Variants in RMC1 observed in about 807,000 individuals in gnomAD.
The protein encoded by RMC1 is regulator of MON1-CCZ1 complex.
In RMC1, 44 loss-of-function variants were observed where a neutral mutation model predicts 95.5. The ratio of observed to expected loss-of-function variants is 0.46; its 90% CI spans 0.36 to 0.59. The LOEUF is 0.59. Ranked by LOEUF, RMC1 falls within the 20% of genes least tolerant of loss-of-function variation. RMC1 has a pLI of 0.00. For missense variants in RMC1, 705 were observed against 819.6 expected, an observed-to-expected ratio of 0.86 and a Z score of 1.71; for synonymous variants, 320 against 303.6, an observed-to-expected ratio of 1.05 and a Z score of -0.56.
intron 10 of RMC1, among the ~76,000 whole-genome samples, chr18:23,520,781 A>G (rs1484244245): frequency 2.7e-5 from 4 of 150,476 alleles, no homozygotes; most frequent in African/African-American, 7.4e-5. Flanking sequence ...CAAGTATTCA[A>G]TCGCTTAAAT....
In RMC1 at chr18:23,529,288, T is replaced by C. The variant is rs550746772; in HGVS notation, c.1406T>C (p.Val469Ala). ...DVYTHVLSAF[V>A]EKKEMPHKFV... ...TACACCCATGTCCTGTCAGCCTTTG[T>C]GGAAAAGAAGGTGGGCTGCAGCTTT... is the stretch of plus-strand genomic sequence containing the variant. Residue 469 changes from valine to alanine, a missense_variant, in exon 15 of 20, where the codon GTG (valine) becomes GCG (alanine). Coordinates refer to ENST00000269221, the MANE Select transcript of RMC1 (RefSeq NM_013326.5). The C allele has an allele frequency of 1.6e-5, 25 of 1,610,354 alleles. 1 individual carries two copies. The South Asian group carries it at 2.8e-4, about 18-fold the overall frequency.
chr18:23,510,059 A>G (rs1788808), intron 5 of RMC1, among the ~76,000 whole-genome samples: 82,339 of 148,864 alleles, frequency 0.55, 23,588 homozygotes, highest in East Asian at 0.9. Context: ...TTGGTGGCCC[A>G]TGCCTGTAAT....
At chr18:23,526,969 T>A (rs1296544967) in intron 13 of RMC1, among the ~76,000 whole-genome samples, 1 of 151,996 alleles carries the variant, frequency 6.6e-6, no homozygotes, top group African/African-American at 2.4e-5. Context: ...AAAAGAACAA[T>A]AAATGGGATG....
intron 10 of RMC1, chr18:23,522,880 G>T (rs199841316): frequency 6.6e-6 from 1 of 152,040 alleles, no homozygotes; most frequent in African/African-American, 2.4e-5. Flanking sequence ...CTGCCACTGG[G>T]TGGGCGTGCT....
chr18:23,506,667 G>A (rs550444936), intron 2 of RMC1: 21 of 257,280 alleles, frequency 8.2e-5, no homozygotes, highest in South Asian at 4.5e-4. Flanking sequence ...CAGCAGTTAC[G>A]GAGAAGGCTC....
intron 1 of RMC1, 34 bp downstream of exon 1, chr18:23,503,754 C>T (rs1327755423): frequency 6.4e-6 from 10 of 1,567,210 alleles, no homozygotes; most frequent in Non-Finnish European, 8.7e-6. Context: ...CCCCGCGCGG[C>T]CCTGCCGGGG....
At position 23,518,962 on chromosome 18, in the gene RMC1, C is replaced by G; in HGVS notation, c.726C>G (p.Val242=). The G allele has an allele frequency of 6.2e-7, 1 of 1,614,134 alleles. No individual in the cohort carries two copies. Among genetic ancestry groups the G allele is most frequent in the East Asian group, 2.2e-5 (1 of 44,882 alleles). The part of the protein sequence containing the change: ...RTSNSTGAEV[V]LYHLPREGAC... Reference sequence around the variant, plus strand: ...CCAACAGCACAGGAGCGGAGGTGGTCCTCTATCATCTACCACGGTAGATTT... The same window carrying G: ...CCAACAGCACAGGAGCGGAGGTGGTGCTCTATCATCTACCACGGTAGATTT... The change falls in exon 8 of 20, where the codon GTC becomes GTG. Residue 242 remains valine (V), a synonymous_variant. Transcript: ENST00000269221.
intron 14 of RMC1, 117 bp from the exon 15 acceptor site, chr18:23,529,062 T>C (rs2058398752): frequency 6.8e-7 from 1 of 1,468,110 alleles, no homozygotes; most frequent in Non-Finnish European, 9.1e-7. Flanking sequence ...GTAGAGAAAG[T>C]GTTTTCCGCT....
Position 23,504,388 on chromosome 18 carries a change from T to C in RMC1, c.120T>C (p.Ser40=), listed in dbSNP as rs1467539102. Residue 40 remains serine, a synonymous_variant, in exon 2 of 20, where the codon TCT becomes TCC. Transcript: ENST00000269221. ...CCTCTCAGGTTTTTGCTGTTCGATCTGGTGGAGCTACTGGCGTGGTAGTTA... is the reference window on the plus strand; with the variant it reads ...CCTCTCAGGTTTTTGCTGTTCGATCCGGTGGAGCTACTGGCGTGGTAGTTA... The part of the protein sequence containing the change: ...EANKQVFAVR[S]GGATGVVVKG... The C allele has an allele frequency of 3.1e-6, 5 of 1,614,102 alleles. No homozygotes were observed. Among genetic ancestry groups the C allele is most frequent in the Middle Eastern group, 1.6e-4 (1 of 6,084 alleles).
chr18:23,518,677 A>G (rs2058070228), intron 7 of RMC1, among the ~76,000 whole-genome samples: 1 of 152,202 alleles, frequency 6.6e-6, no homozygotes, highest in Non-Finnish European at 1.5e-5. Context: ...TTCTTTTAAA[A>G]TATTATGATC....
rs753297318 is a variant in RMC1 at position 23,503,759 on chromosome 18, CCGGGGTCGTGG to C, written c.102+40_102+50del. The C allele has an allele frequency of 3.2e-6, 5 of 1,559,104 alleles. No homozygotes were observed. In the South Asian group the frequency reaches 5.7e-5, roughly 18 times the overall value. On this transcript the variant is annotated intron_variant, in intron 1 of 19. Transcript: ENST00000269221. ...GCGCTTCCTCCCCCGCGCGGCCCTG[CCGGGGTCGTGG>C]GCGCGCCAAGGCCGGTCCCGCGCGA...
intron 12 of RMC1, among the ~76,000 whole-genome samples, chr18:23,524,731 AAAAGCCAGACTCCACCCCAGGGTGGATGG>A (rs1210404210): frequency 1.3e-5 from 2 of 151,964 alleles, no homozygotes; most frequent in African/African-American, 4.8e-5. Context: ...CCCATTCTGG[AAAAGCCAGACTCCACCCCAGGGTGGATGG>A]AAAGCCGGAC....
intron 2 of RMC1, among the ~76,000 whole-genome samples, chr18:23,505,088 C>T (rs1238654599): frequency 1.3e-5 from 2 of 152,092 alleles, no homozygotes; most frequent in African/African-American, 4.8e-5. Flanking sequence ...GAGGGAGCCT[C>T]CCTCTGTTCC....
rs751041988 is a variant in RMC1, at chr18:23,530,326, A to G, written c.1668+29A>G. 1.3e-4 allele frequency: 203 copies of G among 1,614,046 alleles called. 5 individuals are homozygous for G. In the South Asian group the frequency reaches 2.1e-3, roughly 17 times the overall value. On this transcript the variant is annotated intron_variant, in intron 18 of 19. Transcript: ENST00000269221. The stretch of plus-strand genomic sequence containing the variant: ...ACTCTGATGTGTGAGGTTTTAGACT[A>G]TGGAAACTAACTCTGTTCCTGTTGT...
At chr18:23,524,298 T>C in intron 11 of RMC1, 124 bp downstream of exon 11, 2 of 1,482,280 alleles carry the variant, frequency 1.3e-6, no homozygotes, top group South Asian at 2.3e-5. Flanking sequence ...GCAGGCAGCT[T>C]CCCTGACTGT....
chr18:23,505,846 G>A (rs367998786), intron 2 of RMC1, among the ~76,000 whole-genome samples: 1 of 152,082 alleles, frequency 6.6e-6, no homozygotes, highest in Non-Finnish European at 1.5e-5. Context: ...GTTTGTGGGT[G>A]GGGGGAAGGT....
intron 10 of RMC1, 29 bp downstream of exon 10, chr18:23,520,342 G>T: frequency 1.3e-6 from 2 of 1,552,316 alleles, no homozygotes; most frequent in Non-Finnish European, 1.8e-6. Flanking sequence ...AGGAGTCTGT[G>T]CTGCCCTTTC....
intron 13 of RMC1, among the ~76,000 whole-genome samples, chr18:23,527,091 T>C (rs904050570): frequency 3.3e-5 from 5 of 151,854 alleles, no homozygotes; most frequent in African/African-American, 1.2e-4. Context: ...TCTTTAAGAA[T>C]CCCCTACTGA....
rs559982282 is a variant in RMC1 at position 23,515,736 on chromosome 18, T to G, written c.409-120T>G. The G allele has an allele frequency of 2.3e-5, 26 of 1,141,538 alleles. No individual in the cohort carries two copies. In the African/African-American group the frequency reaches 3.7e-4, roughly 16 times the overall value. The allele number at this position is 1,141,538 out of a possible 1,614,324, so 70.7% of individuals were successfully genotyped here. On this transcript the variant is annotated intron_variant, in intron 5 of 19. Transcript: ENST00000269221. ...TTAGTAGAGATGGGGTTTTACCATTTTGTCCAGGCTGGTCTCGAACTCCTG... is the reference window on the plus strand; with the variant it reads ...TTAGTAGAGATGGGGTTTTACCATTGTGTCCAGGCTGGTCTCGAACTCCTG...
Sources: gnomAD v4.1 joint callset for allele counts (sites outside exome capture counted in the v4.1 genomes callset) on GRCh38, gnomAD v4.1.1 for gene constraint, MANE v1.5 for transcripts, NCBI Gene and HGNC (gene_info 2026-07-23, HGNC 2026-07-21) for gene names.